Variants in ADGRF5 observed in about 807,000 individuals in gnomAD.
ADGRF5 encodes the protein adhesion G protein-coupled receptor F5.
Under a neutral mutation model 132.3 loss-of-function variants are expected in ADGRF5, and 75 were observed. The ratio of observed to expected loss-of-function variants is 0.57; its 90% CI spans 0.47 to 0.69. The LOEUF (loss-of-function observed/expected upper bound fraction) is 0.69, where lower values mean the gene tolerates loss of function less well. Ranked by LOEUF, ADGRF5 falls within the 30% of genes least tolerant of loss-of-function variation. The pLI is 0.00. For synonymous variants in ADGRF5, 629 were observed against 597.6 expected (o/e 1.05, Z -0.77); for missense variants, 1,516 against 1,630.6 (o/e 0.93, Z 1.21).
chr6:46,889,568 G>GTGTGTATATATATATATATATATATA (rs1263241979), intron 3 of ADGRF5, among the ~76,000 whole-genome samples: 1 of 77,818 alleles, frequency 1.3e-5, no homozygotes, highest in South Asian at 4.0e-4. Context: ...GTGTGTGTGT[G>GTGTGTATATATATATATATATATATA]TATATATATA....
In ADGRF5 at chr6:46,901,990, C is replaced by T. The variant is rs143874145; in HGVS notation, c.103-1907G>A. Among the ~76,000 whole-genome samples the T allele has an allele frequency of 2.2e-4, 34 of 152,220 alleles. No homozygotes were observed. The East Asian group carries it at 2.7e-3, about 12-fold the overall frequency. On this transcript the variant is annotated intron_variant, in intron 2 of 20. Transcript: ENST00000283296. Reference sequence around the variant, plus strand: ...ATTAAAGTCAATAGGAAATGGGGAGCGACTGTGTACTTGATAGTTCATAAA... The same window carrying T: ...ATTAAAGTCAATAGGAAATGGGGAGTGACTGTGTACTTGATAGTTCATAAA...
intron 1 of ADGRF5, among the ~76,000 whole-genome samples, chr6:46,934,584 A>G (rs1046251847): frequency 6.6e-6 from 1 of 152,224 alleles, no homozygotes; most frequent in African/African-American, 2.4e-5. Flanking sequence ...GGTCCCATAT[A>G]ATGACAGAAT....
chr6:46,910,745 A>G (rs1180825613), intron 1 of ADGRF5, among the ~76,000 whole-genome samples: 2 of 152,194 alleles, frequency 1.3e-5, no homozygotes, highest in Non-Finnish European at 1.5e-5. Flanking sequence ...TATAAGTTAT[A>G]GACACCTGAC....
rs1481620089 is a variant in ADGRF5, at chr6:46,869,147, G to C, written c.1412-55C>G. The C allele has an allele frequency of 4.5e-6, 7 of 1,561,914 alleles. No homozygotes were observed. In the African/African-American group the frequency reaches 9.5e-5, roughly 21 times the overall value. On this transcript the variant is annotated intron_variant, in intron 11 of 20. Coordinates refer to ENST00000283296, the MANE Select transcript of ADGRF5 (RefSeq NM_001098518.2). ...AGAAAACTGACAAGTTCAATGTGTA[G>C]TATCTCTGGGGACATTAACATATGA...
intron 1 of ADGRF5, among the ~76,000 whole-genome samples, chr6:46,911,573 C>G (rs371653427): frequency 2.6e-5 from 4 of 152,326 alleles, no homozygotes; most frequent in South Asian, 4.1e-4. Flanking sequence ...AGGGCTCCCT[C>G]ACAGATGAAG....
chr6:46,947,931 T>C (rs998641656), intron 1 of ADGRF5, among the ~76,000 whole-genome samples: 1 of 152,046 alleles, frequency 6.6e-6, no homozygotes, highest in African/African-American at 2.4e-5. Context: ...GGGCCTTTGA[T>C]TGGGCAGGGG....
In ADGRF5 at chr6:46,941,426, G is replaced by GAAAAGAA. The variant is rs1554130015; in HGVS notation, c.-25+13301_-25+13307dup. On this transcript the variant is annotated intron_variant, in intron 1 of 20. Coordinates refer to the ADGRF5 transcript ENST00000265417. The stretch of plus-strand genomic sequence containing the variant: ...GAAAAGAAAAGAAAAGAAAAGAAAA[G>GAAAAGAA]AAAAGAAAAGAAAAGAAAAGAAAAG... 5.0e-3 allele frequency among the ~76,000 whole-genome samples: 218 copies of GAAAAGAA among 43,222 alleles called. 8 individuals carry two copies. Among genetic ancestry groups the GAAAAGAA allele is most frequent in the Middle Eastern group, 0.018 (2 of 112 alleles). 28.4% of individuals were successfully genotyped at this position (43,222 alleles called of 152,430 possible).
chr6:46,925,299 GC>G (rs143092222), upstream of ADGRF5, among the ~76,000 whole-genome samples: 4,480 of 152,222 alleles, frequency 0.029, 138 homozygotes, highest in South Asian at 0.13. Flanking sequence ...TCTCACTTTT[GC>G]CCTAACATTG....
intron 1 of ADGRF5, among the ~76,000 whole-genome samples, chr6:46,916,681 A>G (rs1776441703): frequency 6.6e-6 from 1 of 152,240 alleles, no homozygotes; most frequent in South Asian, 2.1e-4. Flanking sequence ...TTATTTGCCC[A>G]GAGCACTATT....
chr6:46,900,354 A>G (rs1050782741), intron 2 of ADGRF5, among the ~76,000 whole-genome samples: 1 of 152,168 alleles, frequency 6.6e-6, no homozygotes, highest in African/African-American at 2.4e-5. Context: ...TGACTTTCTC[A>G]GAGTTCCTGC....
At position 46,859,485 on chromosome 6, in the gene ADGRF5, G is replaced by A. The variant is rs1454749760; in HGVS notation, c.2418C>T (p.Pro806=). 4.3e-6 allele frequency: 7 copies of A among 1,613,138 alleles called. No individual in the cohort carries two copies. The highest frequency in any genetic ancestry group is 1.7e-5 in the Admixed American group (1 of 59,988). Residue 806 remains proline, a synonymous_variant, in exon 17 of 21, where the codon CCC becomes CCT. Coordinates refer to ENST00000283296, the MANE Select transcript of ADGRF5 (RefSeq NM_001098518.2). ...LSTVNVILGK[P]VLNTWKVLQQ... ...GTAAAACCTTCCAGGTGTTCAAGAC[G>A]GGCTTGCCAAGGATGACATTAACCG...
At chr6:46,890,331 G>T (rs1023165053) in intron 3 of ADGRF5, among the ~76,000 whole-genome samples, 1 of 151,976 alleles carries the variant, frequency 6.6e-6, no homozygotes, top group Non-Finnish European at 1.5e-5. Context: ...GGGCTCAAGC[G>T]ATCTGCCTGC....
At chr6:46,916,085 T>C (rs753764081) in intron 1 of ADGRF5, among the ~76,000 whole-genome samples, 1 of 152,194 alleles carries the variant, frequency 6.6e-6, no homozygotes, top group Non-Finnish European at 1.5e-5. Flanking sequence ...TCTTCTCTCT[T>C]GACACCTTCT....
chr6:46,904,675 G>T (rs929588450), intron 2 of ADGRF5, among the ~76,000 whole-genome samples: 1 of 152,090 alleles, frequency 6.6e-6, no homozygotes, highest in African/African-American at 2.4e-5. Context: ...CCTAAAAATG[G>T]TTTCAAGATG....
At chr6:46,880,349 AT>A (rs919752145) in intron 8 of ADGRF5, among the ~76,000 whole-genome samples, 2 of 58,746 alleles carry the variant, frequency 3.4e-5, no homozygotes, top group Admixed American at 2.0e-4. Context: ...AAAATTGCAC[AT>A]TTTTTTATAA....
intron 1 of ADGRF5, among the ~76,000 whole-genome samples, chr6:46,941,363 G>A (rs1457729371): frequency 7.1e-6 from 1 of 141,700 alleles, no homozygotes; most frequent in African/African-American, 2.7e-5. Flanking sequence ...AGAGAGAAAA[G>A]GTGGAGGGAG....
intron 10 of ADGRF5, among the ~76,000 whole-genome samples, chr6:46,873,229 C>T (rs1771285207): frequency 6.6e-6 from 1 of 152,098 alleles, no homozygotes; most frequent in South Asian, 2.1e-4. Flanking sequence ...GGTCTTTCCC[C>T]AGTCTGAATG....
At chr6:46,864,635 C>A (rs1324051083) in intron 14 of ADGRF5, among the ~76,000 whole-genome samples, 1 of 151,520 alleles carries the variant, frequency 6.6e-6, no homozygotes, top group African/African-American at 2.4e-5. Flanking sequence ...AGCGATTCTT[C>A]CGCCTCAGCC....
chr6:46,888,294 C>T (rs1016405166), intron 4 of ADGRF5, 41 bp downstream of exon 4: 3 of 1,411,748 alleles, frequency 2.1e-6, no homozygotes, highest in African/African-American at 2.8e-5. Flanking sequence ...TGTCTCAAGA[C>T]ATCCAATCAT....
Sources: gnomAD v4.1 joint callset for allele counts (sites outside exome capture counted in the v4.1 genomes callset) on GRCh38, gnomAD v4.1.1 for gene constraint, MANE v1.5 for transcripts, NCBI Gene and HGNC (gene_info 2026-07-23, HGNC 2026-07-21) for gene names.